The following ASCC3 variants were observed in gnomAD, a reference collection of about 807,000 sequenced individuals.
The protein encoded by ASCC3 is activating signal cointegrator 1 complex subunit 3, also known as ASC-1 complex subunit P200.
ASCC3 carries 158 observed loss-of-function variants against 256.3 expected under a neutral mutation model. The observed-to-expected ratio is 0.62, with a 90% CI of 0.54 to 0.70. ASCC3 has a LOEUF of 0.70. Ranked by LOEUF, ASCC3 falls within the 30% of genes least tolerant of loss-of-function variation. ASCC3 has a pLI of 0.00. For missense variants in ASCC3, 2,259 were observed against 2,626.0 expected (o/e 0.86, Z 3.05); for synonymous variants, 948 against 883.4 (o/e 1.07, Z -1.30).
At chr6:100,855,015 T>C (rs1772872689) in intron 3 of ASCC3, among the ~76,000 whole-genome samples, 1 of 152,168 alleles carries the variant, frequency 6.6e-6, no homozygotes, top group South Asian at 2.1e-4. Flanking sequence ...ATGCCTCTAC[T>C]AAGGAATGCA....
At chr6:100,567,637 T>C (rs1300458309) in intron 36 of ASCC3, among the ~76,000 whole-genome samples, 1 of 152,180 alleles carries the variant, frequency 6.6e-6, no homozygotes, top group Non-Finnish European at 1.5e-5. Context: ...AGCTCCCACT[T>C]ATAGGTGAGA....
chr6:100,568,961 A>T (rs1178357282), intron 36 of ASCC3, among the ~76,000 whole-genome samples: 1 of 151,516 alleles, frequency 6.6e-6, no homozygotes, highest in South Asian at 2.1e-4. Flanking sequence ...TTGTGTTTTT[A>T]GTAGAGACAG....
intron 16 of ASCC3, among the ~76,000 whole-genome samples, chr6:100,657,379 A>T (rs1166985971): frequency 6.6e-6 from 1 of 151,500 alleles, no homozygotes; most frequent in African/African-American, 2.4e-5. Context: ...GAAGATTTAC[A>T]ACTAAAACAG....
chr6:100,741,866 G>T (rs886875479), intron 10 of ASCC3, among the ~76,000 whole-genome samples: 2 of 152,138 alleles, frequency 1.3e-5, no homozygotes, highest in African/African-American at 4.8e-5. Flanking sequence ...GCCTACTTCT[G>T]TTAATTCAGC....
intron 1 of ASCC3, among the ~76,000 whole-genome samples, chr6:100,878,060 A>G (rs774813855): frequency 1.3e-5 from 2 of 152,110 alleles, no homozygotes; most frequent in Non-Finnish European, 2.9e-5. Flanking sequence ...GGGATTCTCA[A>G]AGGTAATCTT....
intron 36 of ASCC3, among the ~76,000 whole-genome samples, chr6:100,558,876 A>G (rs1048392336): frequency 2.6e-5 from 4 of 152,078 alleles, no homozygotes; most frequent in Admixed American, 2.6e-4. Context: ...TGAATCTTGC[A>G]TTTTTGTAGG....
intron 36 of ASCC3, among the ~76,000 whole-genome samples, chr6:100,579,105 G>T (rs936837153): frequency 6.6e-6 from 1 of 150,900 alleles, no homozygotes; most frequent in African/African-American, 2.4e-5. Flanking sequence ...TTTTTCCTAT[G>T]CTTGTTGGTC....
At chr6:100,874,669 A>G (rs2114571343) in intron 1 of ASCC3, among the ~76,000 whole-genome samples, 1 of 152,284 alleles carries the variant, frequency 6.6e-6, no homozygotes, top group East Asian at 1.9e-4. Context: ...AAAGAAAAAC[A>G]TTTTGATATG....
At chr6:100,736,425 A>G (rs1457674588) in intron 10 of ASCC3, among the ~76,000 whole-genome samples, 1 of 151,868 alleles carries the variant, frequency 6.6e-6, no homozygotes, top group East Asian at 1.9e-4. Flanking sequence ...CGCTTGAACC[A>G]GGGAGGCGGA....
intron 4 of ASCC3, among the ~76,000 whole-genome samples, chr6:100,841,801 T>C (rs1409689460): frequency 6.6e-6 from 1 of 152,104 alleles, no homozygotes; most frequent in African/African-American, 2.4e-5. Flanking sequence ...TAGGACTGAA[T>C]GGCAGTAGGA....
intron 40 of ASCC3, among the ~76,000 whole-genome samples, chr6:100,510,763 G>C (rs886160701): frequency 6.6e-6 from 1 of 151,988 alleles, no homozygotes; most frequent in Admixed American, 6.5e-5. Context: ...TATAATGATC[G>C]CACTTGAGGT....
chr6:100,557,241 G>C (rs149672111), intron 36 of ASCC3, among the ~76,000 whole-genome samples: 1 of 152,088 alleles, frequency 6.6e-6, no homozygotes, highest in Non-Finnish European at 1.5e-5. Context: ...TGGAGGGTTA[G>C]GTCACTGATT....
At position 100,842,351 on chromosome 6, in the gene ASCC3, T is replaced by C. The variant is rs1562336796; in HGVS notation, c.801+5797A>G. ...AAAGTGTGAGCCAGAATCTCTAAGA[T>C]CCTTTCAGAAGATATATGAGGTGAA... On this transcript the variant is annotated intron_variant, in intron 4 of 41. Coordinates refer to ENST00000369162, the MANE Select transcript of ASCC3 (RefSeq NM_006828.4). Among the ~76,000 whole-genome samples the C allele has an allele frequency of 2.0e-5, 3 of 152,334 alleles. No homozygotes were observed. In the East Asian group the frequency reaches 5.8e-4, roughly 29 times the overall value.
chr6:100,812,757 C>T lies in ASCC3; in HGVS notation c.802-6877G>A, dbSNP rs540306726. 1.0e-3 allele frequency among the ~76,000 whole-genome samples: 159 copies of T among 152,100 alleles called. 4 individuals are homozygous for T. In the South Asian group the frequency reaches 0.032, roughly 30 times the overall value. On this transcript the variant is annotated intron_variant, in intron 4 of 41. Transcript: ENST00000369162. ...CCAGCCTGGGCAACATAGCAAGACTCCGTCTCTCCAAAAAATAAAAGAATT... is the reference window on the plus strand; with the variant it reads ...CCAGCCTGGGCAACATAGCAAGACTTCGTCTCTCCAAAAAATAAAAGAATT...
chr6:100,697,900 TATG>T (rs1394462436), intron 13 of ASCC3, among the ~76,000 whole-genome samples: 2 of 152,170 alleles, frequency 1.3e-5, no homozygotes, highest in African/African-American at 4.8e-5. Context: ...GGAATAGGTC[TATG>T]GCATGCACAA....
intron 13 of ASCC3, among the ~76,000 whole-genome samples, chr6:100,709,401 A>G (rs1489418442): frequency 1.3e-5 from 2 of 152,188 alleles, no homozygotes; most frequent in East Asian, 3.8e-4. Flanking sequence ...TTCTGAAGAC[A>G]TTATGGGTTT....
Position 100,662,010 on chromosome 6 carries a change from T to C in ASCC3, c.2499A>G (p.Ala833=). 1 of 1,613,298 alleles carries C rather than the reference T, an allele frequency of 6.2e-7. No individual in the cohort carries two copies. Among genetic ancestry groups the C allele is most frequent in the Non-Finnish European group, 8.5e-7 (1 of 1,179,444 alleles). ...VIIKGTQIYA[A]KRGSFVDLGI... ...CAAGGTCAACAAAGGAGCCTCTTTT[T>C]GCAGCATATATTTGTGTTCCCTAGA... is the stretch of plus-strand genomic sequence containing the variant. Residue 833 remains alanine (A), a synonymous_variant, in exon 16 of 42, where the codon GCA becomes GCG. Coordinates refer to ENST00000369162, the MANE Select transcript of ASCC3 (RefSeq NM_006828.4).
intron 22 of ASCC3, among the ~76,000 whole-genome samples, chr6:100,645,446 C>A (rs1449033844): frequency 2.6e-5 from 4 of 151,814 alleles, no homozygotes; most frequent in African/African-American, 9.7e-5. Flanking sequence ...TGGGTTAAAA[C>A]CATGGTTGGG....
chr6:100,807,453 G>A (rs1314080043), intron 4 of ASCC3, among the ~76,000 whole-genome samples: 1 of 151,704 alleles, frequency 6.6e-6, no homozygotes, highest in Non-Finnish European at 1.5e-5. Flanking sequence ...TATGACATAT[G>A]GAGTCCTAGA....
Sources: allele counts gnomAD v4.1 joint callset (sites outside exome capture counted in the v4.1 genomes callset), GRCh38; gene constraint gnomAD v4.1.1; transcripts MANE v1.5; gene names NCBI Gene and HGNC (gene_info 2026-07-23, HGNC 2026-07-21).